KLF1: variants seen among roughly 807,000 people sequenced by gnomAD.
KLF1 encodes the protein KLF transcription factor 1.
Under a neutral mutation model 28.0 loss-of-function variants are expected in KLF1, and 29 were observed. The ratio of observed to expected loss-of-function variants is 1.04; its 90% CI spans 0.77 to 1.41. The LOEUF (loss-of-function observed/expected upper bound fraction) is 1.41. Among genes scored for constraint, KLF1 ranks in the 40% most tolerant of loss-of-function variants. The pLI is 0.00. For synonymous variants in KLF1, 262 were observed against 242.6 expected, an observed-to-expected ratio of 1.08 and a Z score of -0.74; for missense variants, 508 against 515.1, an observed-to-expected ratio of 0.99 and a Z score of 0.13.
chr19:12,885,170 A>G lies in KLF1; in HGVS notation c.914-110T>C. On this transcript the variant is annotated intron_variant, in intron 2 of 2. Transcript: ENST00000264834. The surrounding 1 kb of genome is among the most constrained non-coding windows in gnomAD (Gnocchi z 5.6). The stretch of plus-strand genomic sequence containing the variant: ...GCCTGGGCTGGGACTAGGATGAACA[A>G]AGTGAGGCCCCTAGGGCACAAAATT... 1 of 1,425,778 alleles carries G rather than the reference A, an allele frequency of 7.0e-7. No homozygotes were observed. The highest frequency in any genetic ancestry group is 1.2e-5 in the South Asian group (1 of 83,234). The allele number at this position is 1,425,778 out of a possible 1,614,324, so 88.3% of individuals were successfully genotyped here.
chr19:12,886,056 C>T lies in KLF1; in HGVS notation c.174G>A (p.Gln58=), dbSNP rs1308737523. The change falls in exon 2 of 3, where the codon CAG becomes CAA. Residue 58 remains glutamine, a synonymous_variant. Transcript: ENST00000264834. ...TCTCATCGTCCTCTTCCTCCCCGGG[C>T]TGGTCCTCAGACTTCACGTGGAGGG... ...EPPLHVKSED[Q]PGEEEDDERG... is the part of the protein sequence containing the mutation. 15 of 1,610,692 alleles carry T rather than the reference C, an allele frequency of 9.3e-6. No homozygotes were observed. The highest frequency in any genetic ancestry group is 1.3e-5 in the Non-Finnish European group (15 of 1,179,350).
At position 12,884,799 on chromosome 19, in the gene KLF1, T is replaced by C; in HGVS notation, c.*86A>G. 1 of 1,448,736 alleles carries C rather than the reference T, an allele frequency of 6.9e-7. No individual in the cohort carries two copies. The highest frequency in any genetic ancestry group is 9.6e-7 in the Non-Finnish European group (1 of 1,041,034). The allele number at this position is 1,448,736 out of a possible 1,614,324, so 89.7% of individuals were successfully genotyped here. On this transcript the variant is annotated 3_prime_UTR_variant, in exon 3 of 3. Coordinates refer to ENST00000264834, the MANE Select transcript of KLF1 (RefSeq NM_006563.5). ...CGTGGGAAAACCACCCAGCATTGTG[T>C]CACGCGCGTCCGTGTGAAGAGACCA...
In KLF1 at chr19:12,885,498, C is replaced by T; in HGVS notation, c.732G>A (p.Val244=). Residue 244 remains valine (V), a synonymous_variant, in exon 2 of 3, where the codon GTG becomes GTA. Coordinates refer to ENST00000264834, the MANE Select transcript of KLF1 (RefSeq NM_006563.5). The surrounding 1 kb of genome is among the most constrained non-coding windows in gnomAD (Gnocchi z 5.6). Reference sequence around the variant, plus strand: ...CTGCAGTCCCCCCGAGTCCAGTGCCCACCGTCCCGGGTCCCAAACAACTCA... The same window carrying T: ...CTGCAGTCCCCCCGAGTCCAGTGCCTACCGTCCCGGGTCCCAAACAACTCA... The part of the protein sequence containing the change: ...SFLSCLGPGT[V]GTGLGGTAED... 1 of 1,598,794 alleles carries T rather than the reference C, an allele frequency of 6.3e-7. No individual in the cohort carries two copies. Among genetic ancestry groups the T allele is most frequent in the Non-Finnish European group, 8.5e-7 (1 of 1,173,518 alleles).
rs777652514 is a variant in KLF1 at position 12,886,141 on chromosome 19, C to T, written c.89G>A (p.Trp30Ter). The T allele has an allele frequency of 9.4e-6, 15 of 1,599,342 alleles. No homozygotes were observed. Among genetic ancestry groups the T allele is most frequent in the Non-Finnish European group, 1.3e-5 (15 of 1,177,436 alleles). ...GTCCTGCGCCTCTTCGGAGCGCCAC[C>T]ACTGCGGGAGGGAGCAGGCAGCTCG... ...FPDTQDDFLKWWRSEEAQDMG... is the reference protein window; with the variant it reads ...FPDTQDDFLK The change falls in exon 2 of 3, where the codon TGG becomes TAG. Residue 30 changes from tryptophan (W) to a stop codon, truncating the protein, a stop_gained and splice_region_variant. Transcript: ENST00000264834. LOFTEE classifies it high-confidence loss of function.
rs1397962733 is a variant in KLF1, at chr19:12,884,914, G to A, written c.1060C>T (p.Leu354=). 6.2e-7 allele frequency: 1 copy of A among 1,613,868 alleles called. No homozygotes were observed. The highest frequency in any genetic ancestry group is 2.2e-5 in the East Asian group (1 of 44,898). Residue 354 remains leucine (L), a synonymous_variant, in exon 3 of 3, where the codon CTG becomes TTG. Coordinates refer to ENST00000264834, the MANE Select transcript of KLF1 (RefSeq NM_006563.5). The stretch of plus-strand genomic sequence containing the variant: ...AGGTGGCGCTTCATGTGCAAGGCCA[G>A]GTGGTCAGAGCGCGAAAAAGCACGT... The part of the protein sequence containing the change: ...CPRAFSRSDH[L]ALHMKRHL
rs1970416357 is a variant in KLF1 at position 12,884,778 on chromosome 19, G to A, written c.*107C>T. 1.5e-6 allele frequency: 2 copies of A among 1,299,134 alleles called. No individual in the cohort carries two copies. Among genetic ancestry groups the A allele is most frequent in the East Asian group, 4.7e-5 (2 of 42,414 alleles). 80.5% of individuals were successfully genotyped at this position (1,299,134 alleles called of 1,614,324 possible). A position where few individuals can be genotyped will look rare whatever the true frequency, so the allele number is the denominator to read the frequency against. ...GAGTCCAGGAGAGGGTCCATTCGTGGGAAAACCACCCAGCATTGTGTCACG... is the reference window on the plus strand; with the variant it reads ...GAGTCCAGGAGAGGGTCCATTCGTGAGAAAACCACCCAGCATTGTGTCACG... On this transcript the variant is annotated 3_prime_UTR_variant, in exon 3 of 3. Coordinates refer to ENST00000264834, the MANE Select transcript of KLF1 (RefSeq NM_006563.5).
In KLF1 at chr19:12,885,533, G is replaced by T; in HGVS notation, c.697C>A (p.Pro233Thr). The change falls in exon 2 of 3, where the codon CCC (proline) becomes ACC (threonine). Residue 233 changes from proline (P) to threonine (T), a missense_variant. Coordinates refer to ENST00000264834, the MANE Select transcript of KLF1 (RefSeq NM_006563.5). The surrounding 1 kb of genome is among the most constrained non-coding windows in gnomAD (Gnocchi z 5.6). ...QGPAPGPATS[P>T]SFLSCLGPGT... ...GGTCCCAAACAACTCAGGAAGGAGG[G>T]GGACGTGGCGGGACCGGGCGCGGGT... The T allele has an allele frequency of 1.3e-6, 2 of 1,579,554 alleles. No homozygotes were observed. Among genetic ancestry groups the T allele is most frequent in the African/African-American group, 1.3e-5 (1 of 74,368 alleles).
chr19:12,885,906 C>A lies in KLF1; in HGVS notation c.324G>T (p.Pro108=). ...CATATGCGCCCAGAGTCTCGGGCGGCGGCGGATATTGCGCCCCGGAGGCCT... is the reference window on the plus strand; with the variant it reads ...CATATGCGCCCAGAGTCTCGGGCGGAGGCGGATATTGCGCCCCGGAGGCCT... ...PSEASGAQYP[P]PPETLGAYAG... Residue 108 remains proline, a synonymous_variant, in exon 2 of 3, where the codon CCG becomes CCT. Transcript: ENST00000264834. This position sits in a 1 kb window ranked among gnomAD's most constrained non-coding sequence, Gnocchi z 5.6. The A allele has an allele frequency of 1.9e-6, 3 of 1,551,610 alleles. No homozygotes were observed. The highest frequency in any genetic ancestry group is 2.6e-6 in the Non-Finnish European group (3 of 1,147,602).
Position 12,885,717 on chromosome 19 carries a change from CG to C in KLF1, c.512del (p.Pro171ArgfsTer66). 6.6e-7 allele frequency: 1 copy of C among 1,514,376 alleles called. No homozygotes were observed. Among genetic ancestry groups the C allele is most frequent in the Non-Finnish European group, 8.8e-7 (1 of 1,132,034 alleles). 93.8% of individuals were successfully genotyped at this position (1,514,376 alleles called of 1,614,324 possible). A position where few individuals can be genotyped will look rare whatever the true frequency, so the allele number is the denominator to read the frequency against. On this transcript the variant is annotated frameshift_variant, in exon 2 of 3. Transcript: ENST00000264834. LOFTEE classifies it high-confidence loss of function. This position sits in a 1 kb window ranked among gnomAD's most constrained non-coding sequence, Gnocchi z 5.6. The part of the protein sequence containing the change: ...PKALALQPVY[P>X]GPGAGSSGGY... ...CACCCGAGGAGCCGGCGCCGGGCCC[CG>C]GGTACACCGGTTGCAGCGCCAGCGC...
Position 12,887,079 on chromosome 19 carries a change from G to A in KLF1, c.62C>T (p.Pro21Leu), listed in dbSNP as rs559879342. ...ISTLTALGPF[P>L]DTQDDFLKWW... ...CTTGAGGAAGTCATCCTGTGTGTCC[G>A]GGAAGGGGCCCAGGGCGGTCAGTGT... is the stretch of plus-strand genomic sequence containing the variant. Residue 21 changes from proline to leucine, a missense_variant, in exon 1 of 3, where the codon CCG (proline) becomes CTG (leucine). By Grantham distance (98) the Pro-to-Leu change is moderately conservative. Coordinates refer to ENST00000264834, the MANE Select transcript of KLF1 (RefSeq NM_006563.5). The surrounding 1 kb of genome is among the most constrained non-coding windows in gnomAD (Gnocchi z 4.7). The A allele has an allele frequency of 1.9e-5, 30 of 1,614,134 alleles. No individual in the cohort carries two copies. The highest frequency in any genetic ancestry group is 1.7e-4 in the Admixed American group (10 of 60,026).
chr19:12,885,136 C>A lies in KLF1; in HGVS notation c.914-76G>T. ...GGGTCCCCTGCATCTGGCCACACCCCTTTACTCAGCCTGGGCTGGGACTAG... is the reference window on the plus strand; with the variant it reads ...GGGTCCCCTGCATCTGGCCACACCCATTTACTCAGCCTGGGCTGGGACTAG... On this transcript the variant is annotated intron_variant, in intron 2 of 2. Transcript: ENST00000264834. The surrounding 1 kb of genome is among the most constrained non-coding windows in gnomAD (Gnocchi z 5.6). 1 of 1,535,670 alleles carries A rather than the reference C, an allele frequency of 6.5e-7. No homozygotes were observed. Among genetic ancestry groups the A allele is most frequent in the East Asian group, 2.3e-5 (1 of 43,412 alleles).
Position 12,885,612 on chromosome 19 carries a change from C to T in KLF1, c.618G>A (p.Met206Ile). 1.3e-6 allele frequency: 2 copies of T among 1,552,952 alleles called. No homozygotes were observed. The highest frequency in any genetic ancestry group is 1.7e-6 in the Non-Finnish European group (2 of 1,148,806). ...GCCCTTGGTACTGAGGCGCCGGGTA[C>T]ATCGCGGGGTACCCGGACAGTAGCC... The part of the protein sequence containing the change: ...PYGLLSGYPA[M>I]YPAPQYQGHF... The change falls in exon 2 of 3, where the codon ATG (methionine) becomes ATA (isoleucine). Residue 206 changes from methionine to isoleucine, a missense_variant. Coordinates refer to ENST00000264834, the MANE Select transcript of KLF1 (RefSeq NM_006563.5). The surrounding 1 kb of genome is among the most constrained non-coding windows in gnomAD (Gnocchi z 5.6).
chr19:12,885,813 G>A lies in KLF1; in HGVS notation c.417C>T (p.Ala139=). 1.3e-6 allele frequency: 2 copies of A among 1,548,146 alleles called. No individual in the cohort carries two copies. Among genetic ancestry groups the A allele is most frequent in the Non-Finnish European group, 1.7e-6 (2 of 1,146,318 alleles). ...AGGCGTCGGGAGCCCGGGCTCGCAGGGCAGGGCGCACCCAACCCGAGTGAT... is the reference window on the plus strand; with the variant it reads ...AGGCGTCGGGAGCCCGGGCTCGCAGAGCAGGGCGCACCCAACCCGAGTGAT... The part of the protein sequence containing the change: ...SEDHSGWVRP[A]LRARAPDAFV... The change falls in exon 2 of 3, where the codon GCC becomes GCT. Residue 139 remains alanine, a synonymous_variant. Transcript: ENST00000264834. This position sits in a 1 kb window ranked among gnomAD's most constrained non-coding sequence, Gnocchi z 5.6.
chr19:12,885,674 C>G lies in KLF1; in HGVS notation c.556G>C (p.Gly186Arg), dbSNP rs992411302. The G allele has an allele frequency of 2.0e-6, 3 of 1,536,744 alleles. No homozygotes were observed. The highest frequency in any genetic ancestry group is 2.5e-5 in the East Asian group (1 of 40,672). Residue 186 changes from glycine to arginine, a missense_variant, in exon 2 of 3, where the codon GGG (glycine) becomes CGG (arginine). Transcript: ENST00000264834. The surrounding 1 kb of genome is among the most constrained non-coding windows in gnomAD (Gnocchi z 5.6). ...GSSGGYFPRT[G>R]LSVPAASGAP... ...CCCGACGCCGCAGGCACTGAAAGCC[C>G]GGTCCGCGGGAAGTAGCCACCCGAG... is the stretch of plus-strand genomic sequence containing the variant.
At position 12,885,064 on chromosome 19, in the gene KLF1, GGGGACAAGGAAGC is replaced by G. The variant is rs757926418; in HGVS notation, c.914-17_914-5del. 1.9e-6 allele frequency: 3 copies of G among 1,603,524 alleles called. No homozygotes were observed. The highest frequency in any genetic ancestry group is 2.5e-6 in the Non-Finnish European group (3 of 1,179,852). ...GTGCAGGCGTATGGCTTCTCCCCTAGGGGACAAGGAAGCCATAAGCGCCACTGTCTGCCCAGTC... is the reference window on the plus strand; with the variant it reads ...GTGCAGGCGTATGGCTTCTCCCCTAGCATAAGCGCCACTGTCTGCCCAGTC... On this transcript the variant is annotated splice_region_variant and splice_polypyrimidine_tract_variant and intron_variant, in intron 2 of 2. Coordinates refer to ENST00000264834, the MANE Select transcript of KLF1 (RefSeq NM_006563.5). The surrounding 1 kb of genome is among the most constrained non-coding windows in gnomAD (Gnocchi z 5.6).
chr19:12,885,969 G>A lies in KLF1; in HGVS notation c.261C>T (p.Pro87=), dbSNP rs371331569. Residue 87 remains proline (P), a synonymous_variant, in exon 2 of 3, where the codon CCC becomes CCT. Coordinates refer to ENST00000264834, the MANE Select transcript of KLF1 (RefSeq NM_006563.5). This position sits in a 1 kb window ranked among gnomAD's most constrained non-coding sequence, Gnocchi z 5.6. ...GAGCGCAGGTCTGGGGCGCGCCACC[G>A]GGCTCCGGGCCCGAGAAGTTGGTGA... The part of the protein sequence containing the change: ...LLLTNFSGPE[P]GGAPQTCALA... The A allele has an allele frequency of 6.3e-7, 1 of 1,580,718 alleles. No individual in the cohort carries two copies. Among genetic ancestry groups the A allele is most frequent in the Non-Finnish European group, 8.6e-7 (1 of 1,164,138 alleles).
At position 12,885,702 on chromosome 19, in the gene KLF1, G is replaced by A. The variant is rs1384213507; in HGVS notation, c.528C>T (p.Gly176=). The A allele has an allele frequency of 6.5e-7, 1 of 1,527,126 alleles. No individual in the cohort carries two copies. Among genetic ancestry groups the A allele is most frequent in the Admixed American group, 2.0e-5 (1 of 48,920 alleles). 94.6% of individuals were successfully genotyped at this position (1,527,126 alleles called of 1,614,324 possible). The change falls in exon 2 of 3, where the codon GGC becomes GGT. Residue 176 remains glycine (G), a synonymous_variant. Transcript: ENST00000264834. This position sits in a 1 kb window ranked among gnomAD's most constrained non-coding sequence, Gnocchi z 5.6. ...LQPVYPGPGA[G]SSGGYFPRTG... ...TCCGCGGGAAGTAGCCACCCGAGGA[G>A]CCGGCGCCGGGCCCCGGGTACACCG... is the stretch of plus-strand genomic sequence containing the variant.
chr19:12,885,756 G>A lies in KLF1; in HGVS notation c.474C>T (p.Ala158=). ...GCAGCGCCAGCGCCTTGGGCTCGGG[G>A]GCCGGGGCTGGAGCCAGGGCTGGGC... ...FVGPALAPAP[A]PEPKALALQP... Residue 158 remains alanine (A), a synonymous_variant, in exon 2 of 3, where the codon GCC becomes GCT. Coordinates refer to ENST00000264834, the MANE Select transcript of KLF1 (RefSeq NM_006563.5). The surrounding 1 kb of genome is among the most constrained non-coding windows in gnomAD (Gnocchi z 5.6). The A allele has an allele frequency of 1.3e-5, 20 of 1,510,262 alleles. No homozygotes were observed. The highest frequency in any genetic ancestry group is 1.8e-5 in the Non-Finnish European group (20 of 1,132,418). The allele number at this position is 1,510,262 out of a possible 1,614,324, so 93.6% of individuals were successfully genotyped here. A position where few individuals can be genotyped will look rare whatever the true frequency, so the allele number is the denominator to read the frequency against.
chr19:12,886,654 C>T (rs1445046494), intron 1 of KLF1, among the ~76,000 whole-genome samples: 2 of 150,240 alleles, frequency 1.3e-5, no homozygotes, highest in Non-Finnish European at 3.0e-5. Flanking sequence ...CTCTTTTGCC[C>T]AGGCTGGAGT....
Sources: allele counts gnomAD v4.1 joint callset (sites outside exome capture counted in the v4.1 genomes callset), GRCh38; gene constraint gnomAD v4.1.1; non-coding constraint Gnocchi (gnomAD v3.1); transcripts MANE v1.5; gene names NCBI Gene and HGNC (gene_info 2026-07-23, HGNC 2026-07-21).